Variants in FTCDNL1 observed in about 807,000 individuals in gnomAD.
FTCDNL1 encodes formiminotransferase N-terminal subdomain-containing protein.
In FTCDNL1, 11 loss-of-function variants were observed where a neutral mutation model predicts 5.9. That is an observed-to-expected ratio of 1.87 (90% confidence interval 1.18 to 3.10). The LOEUF (loss-of-function observed/expected upper bound fraction) is 3.10. Among genes scored for constraint, FTCDNL1 ranks in the 30% most tolerant of loss-of-function variants. The pLI is 0.00. For missense variants in FTCDNL1, 115 were observed against 65.5 expected (o/e 1.76, Z -2.61); for synonymous variants, 58 against 24.8 (o/e 2.34, Z -3.99).
intron 4 of FTCDNL1, chr2:199,819,363 C>G: frequency 1.7e-6 from 1 of 571,500 alleles, no homozygotes; most frequent in Non-Finnish European, 3.1e-6. Context: ...TCTGGGGGCC[C>G]TCATCAAATA....
intron 2 of FTCDNL1, among the ~76,000 whole-genome samples, chr2:199,847,010 A>T (rs2076749639): frequency 6.6e-6 from 1 of 152,196 alleles, no homozygotes; most frequent in Non-Finnish European, 1.5e-5. Flanking sequence ...AAGGAAAAAC[A>T]AGTTACACCC....
Position 199,832,950 on chromosome 2 carries a change from T to G in FTCDNL1, c.211+13125A>C, listed in dbSNP as rs79141495. ...CAAGTAGCAGACGTGGGATTTGAAC[T>G]CAGATTGTTCAGCTCCCTAATTTTT... On this transcript the variant is annotated intron_variant, in intron 3 of 4. Coordinates refer to ENST00000420128, the MANE Select transcript of FTCDNL1 (RefSeq NM_001363886.2). Among the ~76,000 whole-genome samples the G allele has an allele frequency of 3.0e-3, 451 of 151,686 alleles. 4 individuals are homozygous for G. Among genetic ancestry groups the G allele is most frequent in the African/African-American group, 0.01 (427 of 41,372 alleles).
At chr2:199,698,048 A>G in the FTCDNL1 span, among the ~76,000 whole-genome samples, 1 of 152,248 alleles carries the variant, frequency 6.6e-6, no homozygotes, top group Non-Finnish European at 1.5e-5. Context: ...AGGGCATTAC[A>G]TAGTGATAAA....
At chr2:199,755,555 G>T (rs1448196993), downstream of FTCDNL1, among the ~76,000 whole-genome samples, 4 of 152,174 alleles carry the variant, frequency 2.6e-5, no homozygotes, top group East Asian at 7.7e-4. Flanking sequence ...ATAGTTTAGG[G>T]ATTACAAATG....
Position 199,848,900 on chromosome 2 carries a change from T to G in FTCDNL1, c.63A>C (p.Gly21=). The G allele has an allele frequency of 2.8e-6, 2 of 702,360 alleles. No homozygotes were observed. Among genetic ancestry groups the G allele is most frequent in the Non-Finnish European group, 5.2e-6 (2 of 384,810 alleles). The allele number at this position is 702,360 out of a possible 1,614,324, so 43.5% of individuals were successfully genotyped here. Residue 21 remains glycine (G), a synonymous_variant, in exon 2 of 5, where the codon GGA becomes GGC. Transcript: ENST00000420128. The stretch of plus-strand genomic sequence containing the variant: ...CTATGTTCTCAACAATGTATTTTCT[T>G]CCGGCTTCTGAAACGTTTAGTAAAC... The part of the protein sequence containing the change: ...AACLLNVSEA[G]RKYIVENIAK...
chr2:199,830,139 A>T (rs1288772908), intron 3 of FTCDNL1, among the ~76,000 whole-genome samples: 1 of 152,108 alleles, frequency 6.6e-6, no homozygotes, highest in Non-Finnish European at 1.5e-5. Flanking sequence ...TAATATAGCC[A>T]AGTTTTTTTT....
the FTCDNL1 span, among the ~76,000 whole-genome samples, chr2:199,744,624 C>T: frequency 2.0e-5 from 3 of 152,204 alleles, no homozygotes; most frequent in Admixed American, 2.0e-4. Flanking sequence ...TTAAGCCACC[C>T]AGTCTGTGGT....
chr2:199,693,472 T>C, the FTCDNL1 span, among the ~76,000 whole-genome samples: 6 of 152,202 alleles, frequency 3.9e-5, no homozygotes, highest in Admixed American at 3.3e-4. Context: ...CTGTGATAAG[T>C]GCATTGAGTG....
chr2:199,764,679 C>T (rs1170047548), intron 3 of FTCDNL1, among the ~76,000 whole-genome samples: 2 of 152,138 alleles, frequency 1.3e-5, no homozygotes, highest in Admixed American at 6.5e-5. Context: ...CTGAGTCCAG[C>T]GAAATCGGAG....
chr2:199,747,691 G>A, the FTCDNL1 span, among the ~76,000 whole-genome samples: 2 of 152,034 alleles, frequency 1.3e-5, no homozygotes, highest in African/African-American at 4.8e-5. Context: ...TTTCATTGCC[G>A]TACACTGAAC....
At chr2:199,680,190 A>C in the FTCDNL1 span, among the ~76,000 whole-genome samples, 1 of 152,230 alleles carries the variant, frequency 6.6e-6, no homozygotes, top group Non-Finnish European at 1.5e-5. Flanking sequence ...TCTGTTGGCA[A>C]TAATTGTAAT....
the FTCDNL1 span, among the ~76,000 whole-genome samples, chr2:199,704,073 G>T: frequency 6.6e-6 from 1 of 152,188 alleles, no homozygotes; most frequent in Non-Finnish European, 1.5e-5. Flanking sequence ...CTTGCCTCTA[G>T]AAATATAGCT....
chr2:199,747,985 G>A, the FTCDNL1 span, among the ~76,000 whole-genome samples: 10 of 151,890 alleles, frequency 6.6e-5, no homozygotes, highest in Admixed American at 4.6e-4. Flanking sequence ...ATTTAATTCT[G>A]CCACTTACTT....
intron 4 of FTCDNL1, chr2:199,819,365 C>A (rs1701543208): frequency 1.7e-6 from 1 of 574,750 alleles, no homozygotes; most frequent in Admixed American, 3.0e-5. Flanking sequence ...TGGGGGCCCT[C>A]ATCAAATACT....
intron 4 of FTCDNL1, among the ~76,000 whole-genome samples, chr2:199,813,773 T>C (rs1330830993): frequency 6.6e-6 from 1 of 151,896 alleles, no homozygotes; most frequent in Non-Finnish European, 1.5e-5. Flanking sequence ...TAGTTGGGCA[T>C]GGTGGCGCGT....
At chr2:199,724,964 A>G in the FTCDNL1 span, among the ~76,000 whole-genome samples, 1 of 152,012 alleles carries the variant, frequency 6.6e-6, no homozygotes, top group South Asian at 2.1e-4. Context: ...TTGATGATCT[A>G]ATATTGACAA....
At chr2:199,801,286 G>A (rs1429107477) in intron 3 of FTCDNL1, among the ~76,000 whole-genome samples, 1 of 152,128 alleles carries the variant, frequency 6.6e-6, no homozygotes. Context: ...CTTTATTTGA[G>A]TCCAAAAATG....
chr2:199,763,653 A>T (rs1239471083), intron 3 of FTCDNL1, among the ~76,000 whole-genome samples: 1 of 152,098 alleles, frequency 6.6e-6, no homozygotes, highest in Non-Finnish European at 1.5e-5. Context: ...AGACTATTTC[A>T]TAGGGAAGGA....
At chr2:199,732,275 T>C in the FTCDNL1 span, among the ~76,000 whole-genome samples, 25 of 152,342 alleles carry the variant, frequency 1.6e-4, no homozygotes, top group African/African-American at 5.8e-4. Context: ...ATATGAGTTG[T>C]CCTCCAGGAA....
Sources: allele counts gnomAD v4.1 joint callset (sites outside exome capture counted in the v4.1 genomes callset), GRCh38; gene constraint gnomAD v4.1.1; transcripts MANE v1.5; gene names NCBI Gene and HGNC (gene_info 2026-07-23, HGNC 2026-07-21).